Variants in MYH10 observed in about 807,000 individuals in gnomAD.
MYH10 encodes the protein myosin heavy chain 10.
MYH10 carries 55 observed loss-of-function variants against 257.8 expected under a neutral mutation model. The observed-to-expected ratio is 0.21, with a 90% confidence interval of 0.17 to 0.27. MYH10 has a LOEUF of 0.27. MYH10 is among the 10% of genes least tolerant of loss of function. The pLI is 1.00. For missense variants in MYH10, 1,631 were observed against 2,500.6 expected, an observed-to-expected ratio of 0.65 and a Z score of 7.42; for synonymous variants, 854 against 921.7, an observed-to-expected ratio of 0.93 and a Z score of 1.33.
chr17:8,503,009 G>A (rs1238973181), intron 28 of MYH10, among the ~76,000 whole-genome samples: 4 of 152,190 alleles, frequency 2.6e-5, no homozygotes, highest in South Asian at 2.1e-4. Flanking sequence ...AGGGCTGGGC[G>A]CGGTGGCTCA....
intron 30 of MYH10, among the ~76,000 whole-genome samples, chr17:8,496,835 G>A (rs1916714408): frequency 6.6e-6 from 1 of 152,170 alleles, no homozygotes; most frequent in South Asian, 2.1e-4. Context: ...CAATAAGGGT[G>A]GCTTTTCTCT....
intron 4 of MYH10, 66 bp from the exon 5 acceptor site, chr17:8,577,404 C>A (rs2083537576): frequency 5.8e-6 from 5 of 855,526 alleles, no homozygotes; most frequent in East Asian, 4.9e-5. Context: ...AAAATTACAA[C>A]TGATAAAATT....
chr17:8,558,119 G>T (rs2082868850), intron 7 of MYH10, among the ~76,000 whole-genome samples: 1 of 152,154 alleles, frequency 6.6e-6, no homozygotes, highest in Admixed American at 6.5e-5. Flanking sequence ...TTGTTTTATG[G>T]TGTGGAGAGA....
At chr17:8,489,745 A>ACACACC (rs1258993754) in intron 35 of MYH10, among the ~76,000 whole-genome samples, 2 of 150,798 alleles carry the variant, frequency 1.3e-5, no homozygotes, top group South Asian at 2.1e-4. Context: ...ACACACACAC[A>ACACACC]CCCCAAATCC....
rs566688576 is a variant in MYH10 at position 8,497,046 on chromosome 17, C to T, written c.3952-1805G>A. Among the ~76,000 whole-genome samples, 46 of 152,300 alleles carry T rather than the reference C, an allele frequency of 3.0e-4. No individual in the cohort carries two copies. In the South Asian group the frequency reaches 8.3e-3, roughly 27 times the overall value. ...GACTCACTGCTGGAGGAATTAAGCA[C>T]GTGCTGTGTGACTCCGCTGGGAGAG... On this transcript the variant is annotated intron_variant, in intron 30 of 42. Transcript: ENST00000360416.
At chr17:8,522,246 G>A (rs2081679534) in intron 17 of MYH10, among the ~76,000 whole-genome samples, 1 of 152,204 alleles carries the variant, frequency 6.6e-6, no homozygotes, top group African/African-American at 2.4e-5. Flanking sequence ...TCCTTTGACA[G>A]AAGCATATGG....
chr17:8,562,326 G>A (rs114469417), intron 7 of MYH10, among the ~76,000 whole-genome samples: 1 of 152,374 alleles, frequency 6.6e-6, no homozygotes, highest in African/African-American at 2.4e-5. Context: ...GGCCAGATAA[G>A]CAAAGGTGAC....
chr17:8,543,068 G>A (rs1457811792), intron 13 of MYH10, among the ~76,000 whole-genome samples: 1 of 152,140 alleles, frequency 6.6e-6, no homozygotes, highest in Non-Finnish European at 1.5e-5. Context: ...TGAATTAATA[G>A]GTATAATTTT....
chr17:8,500,723 G>C (rs774258033), intron 29 of MYH10, 103 bp downstream of exon 29: 5 of 1,382,128 alleles, frequency 3.6e-6, no homozygotes, highest in Non-Finnish European at 4.9e-6. Flanking sequence ...ACAGAGGCTG[G>C]AGCCTAATCA....
chr17:8,528,359 T>G (rs1290725466), intron 17 of MYH10, among the ~76,000 whole-genome samples: 1 of 152,174 alleles, frequency 6.6e-6, no homozygotes, highest in African/African-American at 2.4e-5. Context: ...TTCACTCTGC[T>G]TGCATCTTCC....
chr17:8,544,377 G>C (rs1183565892), intron 13 of MYH10, among the ~76,000 whole-genome samples: 2 of 152,022 alleles, frequency 1.3e-5, no homozygotes, highest in Non-Finnish European at 2.9e-5. Flanking sequence ...TGTTTTGTCT[G>C]TTTGTTGCAG....
chr17:8,508,418 A>C (rs2081145767), intron 26 of MYH10, 136 bp downstream of exon 26: 1 of 1,280,172 alleles, frequency 7.8e-7, no homozygotes. Flanking sequence ...ACCTATTTTA[A>C]TAAGTCAACC....
intron 21 of MYH10, among the ~76,000 whole-genome samples, chr17:8,514,252 C>G (rs1335483479): frequency 6.6e-6 from 1 of 152,222 alleles, no homozygotes; most frequent in African/African-American, 2.4e-5. Flanking sequence ...CCCGTTTTCT[C>G]TGTGCTGCTC....
At position 8,552,526 on chromosome 17, in the gene MYH10, T is replaced by C. The variant is rs1271418655; in HGVS notation, c.821-382A>G. 6.6e-6 allele frequency among the ~76,000 whole-genome samples: 1 copy of C among 152,188 alleles called. No homozygotes were observed. Among genetic ancestry groups the C allele is most frequent in the Non-Finnish European group, 1.5e-5 (1 of 68,044 alleles). ...GTTGTTTAAGGCAGGAGAAGCTCTATAATACCAGATTAACACAATTTTATA... is the reference window on the plus strand; with the variant it reads ...GTTGTTTAAGGCAGGAGAAGCTCTACAATACCAGATTAACACAATTTTATA... On this transcript the variant is annotated intron_variant, in intron 8 of 42. Transcript: ENST00000360416. The surrounding 1 kb of genome is among the most constrained non-coding windows in gnomAD (Gnocchi z 4.8).
chr17:8,605,032 C>T, intron 2 of MYH10, 50 bp from the exon 3 acceptor site: 1 of 999,808 alleles, frequency 1.0e-6, no homozygotes. Context: ...CTGCATTTAT[C>T]AATCAGGGTC....
intron 35 of MYH10, among the ~76,000 whole-genome samples, chr17:8,488,077 G>T (rs181967476): frequency 2.6e-5 from 4 of 152,134 alleles, no homozygotes; most frequent in Non-Finnish European, 4.4e-5. Flanking sequence ...CAGCAGGAAA[G>T]GGGGGAGCAG....
intron 1 of MYH10, among the ~76,000 whole-genome samples, chr17:8,628,769 A>G (rs1175348262): frequency 6.6e-6 from 1 of 152,176 alleles, no homozygotes; most frequent in Non-Finnish European, 1.5e-5. Flanking sequence ...AATTCCTCAC[A>G]TGTGATAAAG....
intron 7 of MYH10, chr17:8,561,290 A>G: frequency 9.4e-7 from 1 of 1,062,366 alleles, no homozygotes; most frequent in Non-Finnish European, 1.4e-6. Context: ...CGTGCAGGCT[A>G]TTCGCTGCAC....
At chr17:8,597,802 T>C (rs984970287) in intron 3 of MYH10, among the ~76,000 whole-genome samples, 1 of 151,082 alleles carries the variant, frequency 6.6e-6, no homozygotes, top group Non-Finnish European at 1.5e-5. Context: ...GTATTTTTAG[T>C]AGAGACGGGG....
Sources: gnomAD v4.1 joint callset for allele counts (sites outside exome capture counted in the v4.1 genomes callset) on GRCh38, gnomAD v4.1.1 for gene constraint, Gnocchi (gnomAD v3.1) non-coding constraint, MANE v1.5 for transcripts, NCBI Gene and HGNC (gene_info 2026-07-23, HGNC 2026-07-21) for gene names.